The following EPHA1 variants were observed in gnomAD, a reference collection of about 807,000 sequenced individuals.
The protein encoded by EPHA1 is ephrin type-A receptor 1.
A neutral mutation model predicts 110.1 loss-of-function variants in EPHA1; 92 were observed. That is an observed-to-expected ratio of 0.84 (90% CI 0.71 to 0.99). EPHA1 has a LOEUF of 0.99. EPHA1 is among the 50% of genes least tolerant of loss of function. The pLI is 0.00. For synonymous variants in EPHA1, 500 were observed against 516.1 expected (o/e 0.97, Z 0.42); for missense variants, 1,204 against 1,285.4 (o/e 0.94, Z 0.97).
rs565761713 is a variant in EPHA1, at chr7:143,397,249, G to A, written c.1771+55C>T. The A allele has an allele frequency of 1.8e-4, 267 of 1,506,836 alleles. No homozygotes were observed. In the African/African-American group the frequency reaches 3.0e-3, roughly 17 times the overall value. The allele number at this position is 1,506,836 out of a possible 1,614,324, so 93.3% of individuals were successfully genotyped here. A position where few individuals can be genotyped will look rare whatever the true frequency, so the allele number is the denominator to read the frequency against. ...GGCATCTCCCAACACACACACACAC[G>A]CACACACAGGTGTGCACACGCATGT... On this transcript the variant is annotated intron_variant, in intron 10 of 17. Transcript: ENST00000275815.
chr7:143,408,227 G>C (rs944421073), intron 1 of EPHA1, among the ~76,000 whole-genome samples: 1 of 152,174 alleles, frequency 6.6e-6, no homozygotes, highest in African/African-American at 2.4e-5. Flanking sequence ...GCCGGAGAGG[G>C]TGTTCCAACT....
intron 2 of EPHA1, among the ~76,000 whole-genome samples, chr7:143,405,818 A>C (rs1805533746): frequency 6.6e-6 from 1 of 152,162 alleles, no homozygotes; most frequent in African/African-American, 2.4e-5. Context: ...CAGAGAACGG[A>C]GCCAGGACTG....
rs372417664 is a variant in EPHA1, at chr7:143,391,541, G to A, written c.2853-6C>T. 1.9e-6 allele frequency: 3 copies of A among 1,614,020 alleles called. No individual in the cohort carries two copies. Among genetic ancestry groups the A allele is most frequent in the African/African-American group, 2.7e-5 (2 of 74,906 alleles). On this transcript the variant is annotated splice_polypyrimidine_tract_variant and splice_region_variant and intron_variant, in intron 17 of 17. Coordinates refer to ENST00000275815, the MANE Select transcript of EPHA1 (RefSeq NM_005232.5). The stretch of plus-strand genomic sequence containing the variant: ...TTCCCATCTGCGTCAGGTCCCTGTG[G>A]GCAAGGAAGGGTGGGGGCATGAGTC...
chr7:143,393,542 T>C lies in EPHA1; in HGVS notation c.2696+129A>G. 9.8e-7 allele frequency: 1 copy of C among 1,016,890 alleles called. No individual in the cohort carries two copies. The highest frequency in any genetic ancestry group is 1.7e-5 in the South Asian group (1 of 58,816). 63.0% of individuals were successfully genotyped at this position (1,016,890 alleles called of 1,614,324 possible). Reference sequence around the variant, plus strand: ...CTCTTGGACTCTCCCCAAGGGCACGTCTTGCCTCATACACTGGACTTGGTC... The same window carrying C: ...CTCTTGGACTCTCCCCAAGGGCACGCCTTGCCTCATACACTGGACTTGGTC... On this transcript the variant is annotated intron_variant, in intron 16 of 17. Coordinates refer to ENST00000275815, the MANE Select transcript of EPHA1 (RefSeq NM_005232.5). The surrounding 1 kb of genome is among the most constrained non-coding windows in gnomAD (Gnocchi z 5.6).
At chr7:143,398,978 GACCTCGCTGTC>G in intron 5 of EPHA1, 33 bp from the exon 6 acceptor site, 1 of 1,529,884 alleles carries the variant, frequency 6.5e-7, no homozygotes, top group Non-Finnish European at 8.8e-7. Flanking sequence ...AGTAGAAGCC[GACCTCGCTGTC>G]ACCCGAGCTG....
At position 143,398,937 on chromosome 7, in the gene EPHA1, AG is replaced by A. The variant is rs1323346718; in HGVS notation, c.999del (p.Ser334ArgfsTer6). On this transcript the variant is annotated frameshift_variant, in exon 6 of 18. Coordinates refer to ENST00000275815, the MANE Select transcript of EPHA1 (RefSeq NM_005232.5). LOFTEE classifies it high-confidence loss of function. ...EGPQVACTGPPSAPRNLSFSA... is the reference protein window; with the variant it reads ...EGPQVACTGPXSAPRNLSFSA... ...GAGAAGCTCAGGTTTCGGGGGGCCG[AG>A]GGGGGACCTGTGGGAGAAGAGGAGC... The A allele has an allele frequency of 1.2e-6, 2 of 1,601,890 alleles. No homozygotes were observed. Among genetic ancestry groups the A allele is most frequent in the Non-Finnish European group, 1.7e-6 (2 of 1,173,688 alleles).
chr7:143,407,010 G>A (rs1204898929), intron 2 of EPHA1, among the ~76,000 whole-genome samples: 1 of 152,176 alleles, frequency 6.6e-6, no homozygotes, highest in African/African-American at 2.4e-5. Context: ...GTCAGCCTGA[G>A]GAGGTGTGGA....
intron 2 of EPHA1, among the ~76,000 whole-genome samples, chr7:143,406,259 G>A (rs1805544540): frequency 6.6e-6 from 1 of 152,132 alleles, no homozygotes. Flanking sequence ...TGAAGGTTGA[G>A]CTGATAACCA....
rs1805316774 is a variant in EPHA1, at chr7:143,398,347, T to G, written c.1438A>C (p.Thr480Pro). The G allele has an allele frequency of 6.2e-7, 1 of 1,613,970 alleles. No homozygotes were observed. Among genetic ancestry groups the G allele is most frequent in the Non-Finnish European group, 8.5e-7 (1 of 1,180,000 alleles). ...TGGTTCAGCACGTGCAGCTCATAGG[T>G]CAGGTTCGCCCCAGGGCTTCGGGGC... ...SRPRSPGANLTYELHVLNQDE... is the reference protein window; with the variant it reads ...SRPRSPGANLPYELHVLNQDE... Residue 480 changes from threonine (T) to proline (P), a missense_variant, in exon 7 of 18, where the codon ACC becomes CCC. Physicochemically the swap from Thr to Pro is conservative, Grantham distance 38. Transcript: ENST00000275815.
chr7:143,401,301 G>A lies in EPHA1; in HGVS notation c.432+23C>T. On this transcript the variant is annotated intron_variant, in intron 3 of 17. Transcript: ENST00000275815. The surrounding 1 kb of genome is among the most constrained non-coding windows in gnomAD (Gnocchi z 4.1). ...CACCAGGGATCTGCACCAGGACCCA[G>A]ATGGCATGGAGGGAAGCAGCACCTT... is the stretch of plus-strand genomic sequence containing the variant. The A allele has an allele frequency of 6.2e-7, 1 of 1,609,926 alleles. No individual in the cohort carries two copies. Among genetic ancestry groups the A allele is most frequent in the Non-Finnish European group, 8.5e-7 (1 of 1,177,980 alleles).
chr7:143,396,988 C>A (rs1361599623), intron 10 of EPHA1, among the ~76,000 whole-genome samples: 1 of 152,208 alleles, frequency 6.6e-6, no homozygotes, highest in Non-Finnish European at 1.5e-5. Context: ...CCTCGGCCCA[C>A]AGCCCTGGCC....
In EPHA1 at chr7:143,401,308, T is replaced by C; in HGVS notation, c.432+16A>G. 1.9e-6 allele frequency: 3 copies of C among 1,611,404 alleles called. No homozygotes were observed. Among genetic ancestry groups the C allele is most frequent in the South Asian group, 1.1e-5 (1 of 90,922 alleles). On this transcript the variant is annotated intron_variant, in intron 3 of 17. Transcript: ENST00000275815. This position sits in a 1 kb window ranked among gnomAD's most constrained non-coding sequence, Gnocchi z 4.1. ...GATCTGCACCAGGACCCAGATGGCA[T>C]GGAGGGAAGCAGCACCTTCTGGAAC...
chr7:143,397,310 C>T lies in EPHA1; in HGVS notation c.1765G>A (p.Asp589Asn), dbSNP rs1033504857. 1.3e-6 allele frequency: 2 copies of T among 1,549,460 alleles called. No individual in the cohort carries two copies. The highest frequency in any genetic ancestry group is 1.7e-6 in the Non-Finnish European group (2 of 1,146,706). ...QRQRDRATDV[D>N]REDKLWLKPY... The stretch of plus-strand genomic sequence containing the variant: ...GCAGGTGCACCCGACTCACCTCGAT[C>T]CACATCGGTGGCGCGGTCACGCTGC... The change falls in exon 10 of 18, where the codon GAT becomes AAT. Residue 589 changes from aspartate (D) to asparagine (N), a missense_variant. Coordinates refer to ENST00000275815, the MANE Select transcript of EPHA1 (RefSeq NM_005232.5).
Position 143,393,704 on chromosome 7 carries a change from TG to T in EPHA1, c.2662del (p.His888ThrfsTer13). ...AAAGTTGGCAATGGTCCGCAGGGAG[TG>T]GGGGTTGGCAAGCAGTTGCTCCAGA... ...AHLEQLLANP[H>X]SLRTIANFDP... On this transcript the variant is annotated frameshift_variant, in exon 16 of 18. Coordinates refer to ENST00000275815, the MANE Select transcript of EPHA1 (RefSeq NM_005232.5). LOFTEE classifies it high-confidence loss of function. This position sits in a 1 kb window ranked among gnomAD's most constrained non-coding sequence, Gnocchi z 5.6. The T allele has an allele frequency of 6.2e-7, 1 of 1,610,268 alleles. No individual in the cohort carries two copies.
Position 143,393,413 on chromosome 7 carries a change from A to G in EPHA1, c.2696+258T>C, listed in dbSNP as rs1034373186. Among the ~76,000 whole-genome samples the G allele has an allele frequency of 1.3e-5, 2 of 152,218 alleles. No individual in the cohort carries two copies. The highest frequency in any genetic ancestry group is 4.8e-5 in the African/African-American group (2 of 41,512). On this transcript the variant is annotated intron_variant, in intron 16 of 17. Coordinates refer to ENST00000275815, the MANE Select transcript of EPHA1 (RefSeq NM_005232.5). The surrounding 1 kb of genome is among the most constrained non-coding windows in gnomAD (Gnocchi z 5.6). The stretch of plus-strand genomic sequence containing the variant: ...GGAGTGTCTTAGGTGAGGCTGCCTG[A>G]GAAGAGAAAAGATGGGCCCCCCACC...
rs1805590949 is a variant in EPHA1, at chr7:143,407,621, G to C, written c.140C>G (p.Pro47Arg). 6.2e-7 allele frequency: 1 copy of C among 1,613,228 alleles called. No individual in the cohort carries two copies. The highest frequency in any genetic ancestry group is 1.3e-5 in the African/African-American group (1 of 74,986). The change falls in exon 2 of 18, where the codon CCA becomes CGA. Residue 47 changes from proline to arginine, a missense_variant. Physicochemically the swap from Pro to Arg is moderately radical, Grantham distance 103. Coordinates refer to ENST00000275815, the MANE Select transcript of EPHA1 (RefSeq NM_005232.5). The part of the protein sequence containing the change: ...QGELGWLLDP[P>R]KDGWSEQQQI... Reference sequence around the variant, plus strand: ...TCTTCCGACACTTACCCCATCTTTTGGGGGATCCAGCAGCCAGCCCAGCTC... The same window carrying C: ...TCTTCCGACACTTACCCCATCTTTTCGGGGATCCAGCAGCCAGCCCAGCTC...
intron 8 of EPHA1, 95 bp from the exon 9 acceptor site, chr7:143,397,752 A>C (rs987993560): frequency 1.3e-6 from 2 of 1,540,428 alleles, no homozygotes; most frequent in Non-Finnish European, 1.8e-6. Context: ...CTAGGGTCAG[A>C]CCTTTCAGTG....
At chr7:143,407,308 T>C (rs948969585) in intron 2 of EPHA1, among the ~76,000 whole-genome samples, 1 of 152,130 alleles carries the variant, frequency 6.6e-6, no homozygotes, top group South Asian at 2.1e-4. Context: ...ATCCCCAGCA[T>C]GGTGCATTCT....
chr7:143,407,948 G>A (rs1419412689), intron 1 of EPHA1: 3 of 273,784 alleles, frequency 1.1e-5, no homozygotes, highest in South Asian at 1.1e-4. Flanking sequence ...TGCAAGAAGA[G>A]CAGCCCCACG....
Sources: allele counts gnomAD v4.1 joint callset (sites outside exome capture counted in the v4.1 genomes callset), GRCh38; gene constraint gnomAD v4.1.1; non-coding constraint Gnocchi (gnomAD v3.1); transcripts MANE v1.5; gene names NCBI Gene and HGNC (gene_info 2026-07-23, HGNC 2026-07-21).